Variants in CCDC32 observed in about 807,000 individuals in gnomAD.
CCDC32 encodes coiled-coil domain-containing protein 32.
A neutral mutation model predicts 20.1 loss-of-function variants in CCDC32; 9 were observed. The ratio of observed to expected loss-of-function variants is 0.45; its 90% CI spans 0.27 to 0.78. The LOEUF is 0.78. Among genes scored for constraint, CCDC32 ranks in the 30% least tolerant of loss-of-function variants. The pLI is 0.16. For synonymous variants in CCDC32, 63 were observed against 79.0 expected (o/e 0.80, Z 1.07); for missense variants, 204 against 215.5 (o/e 0.95, Z 0.33).
intron 3 of CCDC32, among the ~76,000 whole-genome samples, chr15:40,545,079 T>G (rs1889559655): frequency 6.6e-6 from 1 of 152,180 alleles, no homozygotes; most frequent in Non-Finnish European, 1.5e-5. Flanking sequence ...ATCCAAGAGT[T>G]TACCTTTGGG....
Position 40,553,765 on chromosome 15 carries a change from C to T in CCDC32, c.*206G>A. 1 of 1,369,292 alleles carries T rather than the reference C, an allele frequency of 7.3e-7. No individual in the cohort carries two copies. The allele number at this position is 1,369,292 out of a possible 1,614,324, so 84.8% of individuals were successfully genotyped here. On this transcript the variant is annotated 3_prime_UTR_variant, in exon 4 of 4. Transcript: ENST00000416810. ...CTTCATCCGAGACAGTCACACATGC[C>T]AGCCCCAGGTAAGTCCCTGGGGGCT...
intron 3 of CCDC32, among the ~76,000 whole-genome samples, chr15:40,539,514 CT>C (rs2141608709): frequency 6.6e-6 from 1 of 151,924 alleles, no homozygotes; most frequent in Non-Finnish European, 1.5e-5. Context: ...CCGTGCAGGA[CT>C]GCAGGAAAAA....
chr15:40,538,558 C>G (rs1889233817), downstream of CCDC32: 1 of 152,270 alleles, frequency 6.6e-6, no homozygotes, highest in Admixed American at 6.5e-5. Flanking sequence ...GAGTCCAAGC[C>G]CCCCTCAAAT....
At chr15:40,530,274 C>T (rs186361303), downstream of CCDC32, among the ~76,000 whole-genome samples, 23 of 118,060 alleles carry the variant, frequency 1.9e-4, no homozygotes, top group African/African-American at 5.9e-4. Flanking sequence ...GCCTGGGCAA[C>T]GAGCGAAACT....
downstream of CCDC32, chr15:40,535,576 A>C (rs1401865433): frequency 1.0e-6 from 1 of 984,860 alleles, no homozygotes; most frequent in African/African-American, 1.8e-5. Flanking sequence ...TTCAGTCTTC[A>C]GGCACTTCAT....
downstream of CCDC32, among the ~76,000 whole-genome samples, chr15:40,527,408 C>T (rs62018051): frequency 0.27 from 41,630 of 152,118 alleles, 6,903 homozygotes; most frequent in Middle Eastern, 0.37. Flanking sequence ...TGATCTCAAG[C>T]GATCCACCTG....
At chr15:40,543,385 A>T (rs1239674109) in intron 3 of CCDC32, among the ~76,000 whole-genome samples, 1 of 152,098 alleles carries the variant, frequency 6.6e-6, no homozygotes, top group African/African-American at 2.4e-5. Context: ...TCTGTGCATA[A>T]GTTTCTATTA....
chr15:40,546,591 T>C (rs1889629247), intron 3 of CCDC32, among the ~76,000 whole-genome samples: 1 of 152,198 alleles, frequency 6.6e-6, no homozygotes, highest in South Asian at 2.1e-4. Context: ...ATTATAATTA[T>C]TTTAAGTCCC....
chr15:40,535,562 T>G (rs1889073441), downstream of CCDC32: 1 of 985,662 alleles, frequency 1.0e-6, no homozygotes, highest in Admixed American at 6.1e-5. Context: ...TCAGCTTCCT[T>G]TCGTTCAGTC....
chr15:40,538,340 A>G (rs1167012529), downstream of CCDC32: 1 of 152,138 alleles, frequency 6.6e-6, no homozygotes, highest in East Asian at 1.9e-4. Flanking sequence ...CCATGATTTG[A>G]AAGTCTGGAA....
intron 1 of CCDC32, 31 bp from the exon 2 acceptor site, chr15:40,563,058 C>T: frequency 6.2e-7 from 1 of 1,602,538 alleles, no homozygotes; most frequent in Non-Finnish European, 8.5e-7. Flanking sequence ...TGAGTAAGAA[C>T]TGGCTTTAAG....
chr15:40,560,041 G>A (rs893930290), intron 2 of CCDC32, among the ~76,000 whole-genome samples: 2 of 152,008 alleles, frequency 1.3e-5, no homozygotes, highest in African/African-American at 4.8e-5. Flanking sequence ...ATGGAGTCTC[G>A]CTCTGTTGCC....
downstream of CCDC32, chr15:40,539,141 T>C (rs1391360476): frequency 4.0e-6 from 4 of 995,682 alleles, no homozygotes; most frequent in East Asian, 1.0e-4. Context: ...GAAGTAGTTG[T>C]TGCTGTTTCT....
Position 40,553,824 on chromosome 15 carries a change from G to GT in CCDC32, c.*146dup, listed in dbSNP as rs1890031005. The GT allele has an allele frequency of 9.3e-6, 13 of 1,401,720 alleles. No individual in the cohort carries two copies. Among genetic ancestry groups the GT allele is most frequent in the Non-Finnish European group, 3.7e-6 (4 of 1,077,558 alleles). 86.8% of individuals were successfully genotyped at this position (1,401,720 alleles called of 1,614,324 possible). Reference sequence around the variant, plus strand: ...TTTTCTTTGTGGAGTGGAAATTTGGGTTTTTTCCTTCAGTGGATTTCTCCC... The same window carrying GT: ...TTTTCTTTGTGGAGTGGAAATTTGGGTTTTTTTCCTTCAGTGGATTTCTCCC... On this transcript the variant is annotated 3_prime_UTR_variant, in exon 4 of 4. Coordinates refer to ENST00000416810, the MANE Select transcript of CCDC32 (RefSeq NM_001080792.4).
rs767124379 is a variant in CCDC32 at position 40,564,762 on chromosome 15, T to C, written c.-13+214A>G. On this transcript the variant is annotated intron_variant, in intron 1 of 3. Coordinates refer to ENST00000416810, the MANE Select transcript of CCDC32 (RefSeq NM_001080792.4). ...AAGCCACCCAAAACCAAAACTTTGC[T>C]CACACCAGAGCCCCGCATGGCCCCT... 2.4e-5 allele frequency: 38 copies of C among 1,613,958 alleles called. No homozygotes were observed. In the East Asian group the frequency reaches 4.5e-4, roughly 19 times the overall value.
chr15:40,551,795 G>A (rs964844623), downstream of CCDC32, among the ~76,000 whole-genome samples: 2 of 126,338 alleles, frequency 1.6e-5, no homozygotes, highest in Admixed American at 1.9e-4. Context: ...TGGTGATAGA[G>A]TGAGACCCTG....
At chr15:40,547,977 TTTG>T (rs1170242787) in intron 3 of CCDC32, among the ~76,000 whole-genome samples, 1 of 152,224 alleles carries the variant, frequency 6.6e-6, no homozygotes, top group Non-Finnish European at 1.5e-5. Flanking sequence ...ACTTTACAAA[TTTG>T]TTAACATTTT....
At chr15:40,526,618 G>A (rs1482023110), downstream of CCDC32, among the ~76,000 whole-genome samples, 1 of 152,152 alleles carries the variant, frequency 6.6e-6, no homozygotes. Context: ...TGCTTAATTA[G>A]AACAAATGTG....
downstream of CCDC32, among the ~76,000 whole-genome samples, chr15:40,549,624 T>C (rs537441322): frequency 1.3e-5 from 2 of 152,334 alleles, no homozygotes; most frequent in Admixed American, 1.3e-4. Flanking sequence ...GCCGTTCTGC[T>C]TTATTTAACA....
Sources: allele counts gnomAD v4.1 joint callset (sites outside exome capture counted in the v4.1 genomes callset), GRCh38; gene constraint gnomAD v4.1.1; transcripts MANE v1.5; gene names NCBI Gene and HGNC (gene_info 2026-07-23, HGNC 2026-07-21).